HDLBP: variants seen among roughly 807,000 people sequenced by gnomAD.
HDLBP encodes vigilin.
A neutral mutation model predicts 137.3 loss-of-function variants in HDLBP; 30 were observed. The observed-to-expected ratio is 0.22, with a 90% CI of 0.16 to 0.30. The LOEUF (loss-of-function observed/expected upper bound fraction) is 0.30, where lower values mean the gene tolerates loss of function less well. HDLBP is among the 10% of genes least tolerant of loss of function. HDLBP has a pLI of 1.00. For missense variants in HDLBP, 1,119 were observed against 1,667.3 expected (o/e 0.67, Z 5.73); for synonymous variants, 606 against 596.0 (o/e 1.02, Z -0.24).
In HDLBP at chr2:241,268,476, C is replaced by T. The variant is rs2073841611; in HGVS notation, c.-38+1G>A. ...AAGTCTTCAGACAGGGTCAAACTTA[C>T]CAGCAAAACGGTCAGTAGCCAGAAG... On this transcript the variant is annotated splice_donor_variant, in intron 2 of 27. Coordinates refer to ENST00000310931, the MANE Select transcript of HDLBP (RefSeq NM_005336.6). LOFTEE classifies it low-confidence loss of function (5UTR_SPLICE). 1.0e-6 allele frequency: 1 copy of T among 985,900 alleles called. No individual in the cohort carries two copies. The highest frequency in any genetic ancestry group is 4.7e-5 in the South Asian group (1 of 21,282). 61.1% of individuals were successfully genotyped at this position (985,900 alleles called of 1,614,324 possible).
intron 1 of HDLBP, chr2:241,280,179 A>C: frequency 1.1e-6 from 1 of 948,304 alleles, no homozygotes; most frequent in Non-Finnish European, 1.3e-6. Flanking sequence ...AAATGTTTCC[A>C]TCCCATTTGA....
intron 15 of HDLBP, 53 bp from the exon 16 acceptor site, chr2:241,246,936 A>G: frequency 1.2e-6 from 2 of 1,607,042 alleles, no homozygotes; most frequent in South Asian, 1.1e-5. Context: ...CCCAGAGTTG[A>G]GACACAGTTG....
chr2:241,241,566 CAAAAAAAAAAAAAAAAAAAAAAA>C (rs56864201), intron 17 of HDLBP, among the ~76,000 whole-genome samples: 11 of 31,470 alleles, frequency 3.5e-4, no homozygotes, highest in East Asian at 3.2e-3. Context: ...GACTCCGTCT[CAAAAAAAAAAAAAAAAAAAAAAA>C]AAAAAAAAAA....
At position 241,301,063 on chromosome 2, in the gene HDLBP, G is replaced by A. The variant is rs566953016; in HGVS notation, c.-103+14507C>T. 6.6e-4 allele frequency among the ~76,000 whole-genome samples: 99 copies of A among 150,924 alleles called. 1 individual carries two copies. Among genetic ancestry groups the A allele is most frequent in the Middle Eastern group, 3.4e-3 (1 of 290 alleles). The stretch of plus-strand genomic sequence containing the variant: ...GCCATCTCTGCTCACTGCAAGCTCC[G>A]CCTCCTGGGTTCATGCCATTCTCCT... On this transcript the variant is annotated intron_variant, in intron 1 of 27. Transcript: ENST00000310931.
In HDLBP at chr2:241,238,698, A is replaced by C. The variant is rs1159601232; in HGVS notation, c.2700T>G (p.Thr900=). The C allele has an allele frequency of 1.9e-6, 3 of 1,589,794 alleles. No individual in the cohort carries two copies. The Admixed American group carries it at 5.1e-5, about 27-fold the overall frequency. ...GPKGSRIQQI[T]RDFSVQIKFP... is the part of the protein sequence containing the mutation. ...ATTTAATTTGAACACTGAAATCCCG[A>C]GTAATCTGCTGGATTCTGGAACCTT... is the stretch of plus-strand genomic sequence containing the variant. The change falls in exon 20 of 28, where the codon ACT becomes ACG. Residue 900 remains threonine (T), a synonymous_variant. Transcript: ENST00000310931. This position sits in a 1 kb window ranked among gnomAD's most constrained non-coding sequence, Gnocchi z 4.9.
intron 1 of HDLBP, among the ~76,000 whole-genome samples, chr2:241,292,243 AG>A (rs1404749094): frequency 1.1e-4 from 17 of 150,918 alleles, no homozygotes; most frequent in South Asian, 2.1e-4. Context: ...ACCTAGCTAC[AG>A]GAAGTATGAG....
chr2:241,261,885 ATGCTCCAGGG>A (rs1354502116), intron 5 of HDLBP, among the ~76,000 whole-genome samples: 1 of 152,068 alleles, frequency 6.6e-6, no homozygotes, highest in Non-Finnish European at 1.5e-5. Flanking sequence ...TCCAATCACC[ATGCTCCAGGG>A]TGCTCCAGAT....
At chr2:241,234,978 C>G in intron 23 of HDLBP, 143 bp downstream of exon 23, 1 of 933,438 alleles carries the variant, frequency 1.1e-6, no homozygotes, top group Non-Finnish European at 1.6e-6. Flanking sequence ...TGGATGCTGA[C>G]TGCGTCCTGG....
chr2:241,304,552 G>A (rs1432495356), intron 1 of HDLBP, among the ~76,000 whole-genome samples: 1 of 152,230 alleles, frequency 6.6e-6, no homozygotes, highest in Non-Finnish European at 1.5e-5. Context: ...TGGCTTTAGG[G>A]CTGGGACTTT....
rs1384627037 is a variant in HDLBP, at chr2:241,242,465, C to T, written c.2164G>A (p.Glu722Lys). Residue 722 changes from glutamate to lysine, a missense_variant, in exon 17 of 28, where the codon GAG becomes AAG. Around this residue, in one of 4 missense-constraint regions of HDLBP, gnomAD observed 618 missense variants for 816.7 expected, o/e 0.76. Transcript: ENST00000310931. ...AKKQLLHLAE[E>K]KQTKSFTVDI... ...CGCTCCCTCCCCATGCTCACCTTCT[C>T]CTCCGCCAGATGCAGGAGCTGCTTC... The T allele has an allele frequency of 6.2e-7, 1 of 1,613,634 alleles. No individual in the cohort carries two copies. The highest frequency in any genetic ancestry group is 8.5e-7 in the Non-Finnish European group (1 of 1,179,652).
In HDLBP at chr2:241,228,697, A is replaced by C. The variant is rs940979532; in HGVS notation, c.*904T>G. ...CCACTCCACGCCGGCTGAGGTAGAAAGAAGGCAACTGAACACACAGCAGCT... is the reference window on the plus strand; with the variant it reads ...CCACTCCACGCCGGCTGAGGTAGAACGAAGGCAACTGAACACACAGCAGCT... On this transcript the variant is annotated 3_prime_UTR_variant, in exon 28 of 28. Transcript: ENST00000310931. 1 of 152,874 alleles carries C rather than the reference A, an allele frequency of 6.5e-6. No homozygotes were observed. The highest frequency in any genetic ancestry group is 1.5e-5 in the Non-Finnish European group (1 of 68,184). 9.5% of individuals were successfully genotyped at this position (152,874 alleles called of 1,614,324 possible).
intron 16 of HDLBP, among the ~76,000 whole-genome samples, chr2:241,246,187 T>G (rs1483380676): frequency 6.6e-6 from 1 of 151,976 alleles, no homozygotes; most frequent in African/African-American, 2.4e-5. Flanking sequence ...GATGTTATGA[T>G]TCCATTCACA....
intron 1 of HDLBP, among the ~76,000 whole-genome samples, chr2:241,290,480 C>T (rs1180920316): frequency 6.6e-6 from 1 of 152,080 alleles, no homozygotes; most frequent in Non-Finnish European, 1.5e-5. Flanking sequence ...CGTGGCGGCA[C>T]ATGCCTGTAA....
chr2:241,295,964 A>T (rs2075163419), intron 1 of HDLBP, among the ~76,000 whole-genome samples: 1 of 152,168 alleles, frequency 6.6e-6, no homozygotes, highest in Admixed American at 6.6e-5. Flanking sequence ...TTCCTGTTGT[A>T]AGCCACCAAA....
At chr2:241,307,702 T>C (rs1055087362) in intron 1 of HDLBP, among the ~76,000 whole-genome samples, 7 of 152,200 alleles carry the variant, frequency 4.6e-5, no homozygotes, top group Admixed American at 2.0e-4. Context: ...TAAATAAAAA[T>C]AGGATCTTAC....
At chr2:241,279,448 T>A (rs1231005066) in intron 1 of HDLBP, among the ~76,000 whole-genome samples, 1 of 152,182 alleles carries the variant, frequency 6.6e-6, no homozygotes, top group Non-Finnish European at 1.5e-5. Flanking sequence ...AATATAACTC[T>A]GAAGAAAACA....
At chr2:241,294,002 G>C (rs2075094534) in intron 1 of HDLBP, among the ~76,000 whole-genome samples, 1 of 151,374 alleles carries the variant, frequency 6.6e-6, no homozygotes, top group African/African-American at 2.4e-5. Flanking sequence ...AAAAGCAATT[G>C]AAGAGCAATT....
chr2:241,281,356 AAAAT>A (rs1275405179), intron 1 of HDLBP, among the ~76,000 whole-genome samples: 3 of 150,966 alleles, frequency 2.0e-5, no homozygotes, highest in South Asian at 2.1e-4. Flanking sequence ...CTCCGTCTTA[AAAAT>A]AAATAAATAA....
intron 2 of HDLBP, chr2:241,267,943 TG>T (rs927213801): frequency 4.1e-6 from 4 of 985,200 alleles, no homozygotes; most frequent in African/African-American, 1.7e-5. Flanking sequence ...ATGTGAAAAA[TG>T]GGGTACATTC....
Sources: gnomAD v4.1 joint callset for allele counts (sites outside exome capture counted in the v4.1 genomes callset) on GRCh38, gnomAD v4.1.1 for gene constraint, gnomAD v4.1.1 regional missense constraint, Gnocchi (gnomAD v3.1) non-coding constraint, MANE v1.5 for transcripts, NCBI Gene and HGNC (gene_info 2026-07-23, HGNC 2026-07-21) for gene names.